The following PAPSS1 variants were observed in gnomAD, a reference collection of about 807,000 sequenced individuals.
PAPSS1 encodes bifunctional 3'-phosphoadenosine 5'-phosphosulfate synthase 1.
Under a neutral mutation model 72.0 loss-of-function variants are expected in PAPSS1, and 50 were observed. The observed-to-expected ratio is 0.69, with a 90% CI of 0.55 to 0.88. The LOEUF (loss-of-function observed/expected upper bound fraction) is 0.88. Among genes scored for constraint, PAPSS1 ranks in the 40% least tolerant of loss-of-function variants. The pLI is 0.00. For synonymous variants in PAPSS1, 261 were observed against 263.6 expected, an observed-to-expected ratio of 0.99 and a Z score of 0.09; for missense variants, 657 against 782.2, an observed-to-expected ratio of 0.84 and a Z score of 1.91.
chr4:107,680,796 A>C (rs1727785123), intron 5 of PAPSS1, among the ~76,000 whole-genome samples: 2 of 152,208 alleles, frequency 1.3e-5, no homozygotes, highest in Non-Finnish European at 2.9e-5. Flanking sequence ...AGAGTGCAGA[A>C]GTCAGTTAAA....
At chr4:107,696,591 T>A (rs1578429135) in intron 2 of PAPSS1, among the ~76,000 whole-genome samples, 1 of 150,728 alleles carries the variant, frequency 6.6e-6, no homozygotes. Flanking sequence ...CCAGTGGGGG[T>A]AGGTAGGGGA....
chr4:107,699,056 G>A (rs1230260335), intron 2 of PAPSS1, among the ~76,000 whole-genome samples: 1 of 151,932 alleles, frequency 6.6e-6, no homozygotes, highest in Non-Finnish European at 1.5e-5. Context: ...CACAGAGCAA[G>A]TACCAAAAAA....
chr4:107,648,063 T>C (rs1726739471), intron 9 of PAPSS1, among the ~76,000 whole-genome samples: 2 of 152,212 alleles, frequency 1.3e-5, no homozygotes, highest in African/African-American at 4.8e-5. Context: ...CCTTCTCCTG[T>C]ACTGCATGTC....
At chr4:107,695,119 C>T (rs764014419) in intron 2 of PAPSS1, among the ~76,000 whole-genome samples, 3 of 152,158 alleles carry the variant, frequency 2.0e-5, no homozygotes, top group Non-Finnish European at 4.4e-5. Context: ...TCTTCCTATC[C>T]ATGAGGCTGG....
At chr4:107,704,378 G>C (rs1347549936) in intron 1 of PAPSS1, among the ~76,000 whole-genome samples, 1 of 152,174 alleles carries the variant, frequency 6.6e-6, no homozygotes, top group African/African-American at 2.4e-5. Context: ...CCAGTACTAT[G>C]CTGAATAGAA....
intron 1 of PAPSS1, chr4:107,718,351 C>G (rs973776314): frequency 8.5e-5 from 13 of 152,146 alleles, no homozygotes; most frequent in African/African-American, 3.1e-4. Flanking sequence ...CCTCCACTTC[C>G]CAACAAAAAC....
chr4:107,614,388 C>A lies in PAPSS1; in HGVS notation c.1737-1G>T. The A allele has an allele frequency of 6.3e-7, 1 of 1,596,624 alleles. No homozygotes were observed. The highest frequency in any genetic ancestry group is 8.5e-7 in the Non-Finnish European group (1 of 1,174,132). Reference sequence around the variant, plus strand: ...TGAAATAAATTCAAAGTCTTCATGGCTAAAGGAGAGGAAAAAAAGAAAATT... The same window carrying A: ...TGAAATAAATTCAAAGTCTTCATGGATAAAGGAGAGGAAAAAAAGAAAATT... On this transcript the variant is annotated splice_acceptor_variant, in intron 11 of 11. Coordinates refer to ENST00000265174, the MANE Select transcript of PAPSS1 (RefSeq NM_005443.5). LOFTEE classifies it high-confidence loss of function.
chr4:107,700,367 A>T (rs1723175142), intron 2 of PAPSS1, among the ~76,000 whole-genome samples: 1 of 152,226 alleles, frequency 6.6e-6, no homozygotes, highest in Admixed American at 6.5e-5. Context: ...CTACTTCAAA[A>T]TCTGTATCAA....
chr4:107,692,407 G>C (rs1722950887), intron 3 of PAPSS1, among the ~76,000 whole-genome samples: 1 of 152,134 alleles, frequency 6.6e-6, no homozygotes, highest in Non-Finnish European at 1.5e-5. Flanking sequence ...CTGATCATTA[G>C]ATAAATGCAA....
At chr4:107,712,337 T>C (rs1449177150) in intron 1 of PAPSS1, among the ~76,000 whole-genome samples, 1 of 152,052 alleles carries the variant, frequency 6.6e-6, no homozygotes, top group African/African-American at 2.4e-5. Flanking sequence ...CATAGGTAAA[T>C]AAAGAAATCA....
rs765592730 is a variant in PAPSS1 at position 107,693,768 on chromosome 4, T to C, written c.411+3A>G. 5 of 1,605,036 alleles carry C rather than the reference T, an allele frequency of 3.1e-6. No homozygotes were observed. Among genetic ancestry groups the C allele is most frequent in the Non-Finnish European group, 3.4e-6 (4 of 1,171,858 alleles). ...GAAAGGCAATGGCACAAAAACCACA[T>C]ACCTGAGTGTAAGGTGATATGAAAC... is the stretch of plus-strand genomic sequence containing the variant. On this transcript the variant is annotated splice_donor_region_variant and intron_variant, in intron 3 of 11. Coordinates refer to ENST00000265174, the MANE Select transcript of PAPSS1 (RefSeq NM_005443.5).
intron 10 of PAPSS1, among the ~76,000 whole-genome samples, chr4:107,635,840 C>T (rs1264406425): frequency 6.6e-6 from 1 of 152,062 alleles, no homozygotes; most frequent in African/African-American, 2.4e-5. Flanking sequence ...TCTTATCACC[C>T]GAAATAGCAC....
chr4:107,630,051 C>G (rs1726190826), intron 11 of PAPSS1, among the ~76,000 whole-genome samples: 1 of 152,076 alleles, frequency 6.6e-6, no homozygotes, highest in Non-Finnish European at 1.5e-5. Context: ...CATTTTTCTT[C>G]AGTCAAAAAA....
chr4:107,678,224 T>C lies in PAPSS1; in HGVS notation c.669+3791A>G, dbSNP rs552992156. Among the ~76,000 whole-genome samples the C allele has an allele frequency of 5.5e-5, 6 of 109,414 alleles. No individual in the cohort carries two copies. In the East Asian group the frequency reaches 1.7e-3, roughly 31 times the overall value. 71.8% of individuals were successfully genotyped at this position (109,414 alleles called of 152,430 possible). ...ATCAAGTTGCCATTTAAGTATTAGC[T>C]GAATGTAAAAAATAAAAAAAATAAG... On this transcript the variant is annotated intron_variant, in intron 5 of 11. Coordinates refer to ENST00000265174, the MANE Select transcript of PAPSS1 (RefSeq NM_005443.5).
At position 107,715,622 on chromosome 4, in the gene PAPSS1, A is replaced by G. The variant is rs1723619142; in HGVS notation, c.60+4498T>C. On this transcript the variant is annotated intron_variant, in intron 1 of 11. Coordinates refer to ENST00000265174, the MANE Select transcript of PAPSS1 (RefSeq NM_005443.5). ...GATAGAATTGGTAAAAGGGAAAATT[A>G]TTTCATTCATTTATTTGGTTTAATT... Among the ~76,000 whole-genome samples, 3 of 152,334 alleles carry G rather than the reference A, an allele frequency of 2.0e-5. No homozygotes were observed. The South Asian group carries it at 6.2e-4, about 32-fold the overall frequency.
intron 1 of PAPSS1, among the ~76,000 whole-genome samples, chr4:107,704,156 A>G (rs1723278156): frequency 6.6e-6 from 1 of 152,212 alleles, no homozygotes; most frequent in Non-Finnish European, 1.5e-5. Flanking sequence ...CTTCAATGTT[A>G]GAATATAAAA....
At chr4:107,719,979 G>A in intron 1 of PAPSS1, 141 bp downstream of exon 1, 2 of 1,442,564 alleles carry the variant, frequency 1.4e-6, no homozygotes, top group South Asian at 1.4e-5. Flanking sequence ...CCCCAGCCGG[G>A]AGGCGCCGCA....
intron 10 of PAPSS1, among the ~76,000 whole-genome samples, chr4:107,639,303 A>C (rs1286380071): frequency 1.3e-5 from 2 of 152,202 alleles, no homozygotes; most frequent in Admixed American, 1.3e-4. Flanking sequence ...GGGATCCCCA[A>C]AATTACTTTC....
rs142345935 is a variant in PAPSS1 at position 107,646,569 on chromosome 4, T to G, written c.1238-1499A>C. On this transcript the variant is annotated intron_variant, in intron 9 of 11. Transcript: ENST00000265174. ...TGAGCTGGAACACCTTTTTGCACCA[T>G]TAAGAAGGGAAGTGCTCAAAGAATA... 2.8e-4 allele frequency among the ~76,000 whole-genome samples: 43 copies of G among 152,120 alleles called. No homozygotes were observed. The East Asian group carries it at 8.1e-3, about 29-fold the overall frequency.
Sources: gnomAD v4.1 joint callset for allele counts (sites outside exome capture counted in the v4.1 genomes callset) on GRCh38, gnomAD v4.1.1 for gene constraint, MANE v1.5 for transcripts, NCBI Gene and HGNC (gene_info 2026-07-23, HGNC 2026-07-21) for gene names.